The following ARL6IP5 variants were observed in gnomAD, a reference collection of about 807,000 sequenced individuals.
The protein encoded by ARL6IP5 is ARF like GTPase 6 interacting protein 5, also known as PRA1 family protein 3.
A neutral mutation model predicts 13.0 loss-of-function variants in ARL6IP5; 6 were observed. The observed-to-expected ratio is 0.46, with a 90% CI of 0.25 to 0.91. ARL6IP5 has a LOEUF of 0.91. Among genes scored for constraint, ARL6IP5 ranks in the 40% least tolerant of loss-of-function variants. The pLI, the probability that ARL6IP5 is intolerant of heterozygous loss-of-function variation, is 0.17. For synonymous variants in ARL6IP5, 91 were observed against 91.9 expected (o/e 0.99, Z 0.06); for missense variants, 208 against 248.8 (o/e 0.84, Z 1.10).
intron 1 of ARL6IP5, among the ~76,000 whole-genome samples, chr3:69,096,927 A>C (rs1019669173): frequency 6.6e-6 from 1 of 152,066 alleles, no homozygotes; most frequent in African/African-American, 2.4e-5. Context: ...TACGGCTCAG[A>C]AGAAACATTT....
At chr3:69,094,404 G>A (rs1312722378) in intron 1 of ARL6IP5, among the ~76,000 whole-genome samples, 1 of 152,206 alleles carries the variant, frequency 6.6e-6, no homozygotes, top group African/African-American at 2.4e-5. Context: ...GCGAAGCCTT[G>A]TAGAATGTTT....
chr3:69,085,096 G>C lies in ARL6IP5; in HGVS notation c.49G>C (p.Gly17Arg). The change falls in exon 1 of 3, where the codon GGT becomes CGT. Residue 17 changes from glycine (G) to arginine (R), a missense_variant. Transcript: ENST00000273258. ...PLRAWDDFFPGSDRFARPDFR... is the reference protein window; with the variant it reads ...PLRAWDDFFPRSDRFARPDFR... ...CCGCGCCTGGGACGATTTCTTCCCGGGTTCCGATCGCTTTGCCCGGCCGGA... is the reference window on the plus strand; with the variant it reads ...CCGCGCCTGGGACGATTTCTTCCCGCGTTCCGATCGCTTTGCCCGGCCGGA... 1 of 1,614,164 alleles carries C rather than the reference G, an allele frequency of 6.2e-7. No homozygotes were observed. Among genetic ancestry groups the C allele is most frequent in the Non-Finnish European group, 8.5e-7 (1 of 1,180,032 alleles).
chr3:69,094,283 T>C (rs1052048831), intron 1 of ARL6IP5, among the ~76,000 whole-genome samples: 1 of 152,136 alleles, frequency 6.6e-6, no homozygotes, highest in African/African-American at 2.4e-5. Flanking sequence ...GGCCTTGGCT[T>C]GTGGAGTGTG....
intron 1 of ARL6IP5, among the ~76,000 whole-genome samples, chr3:69,092,436 G>T (rs1034876994): frequency 6.6e-6 from 1 of 152,144 alleles, no homozygotes; most frequent in African/African-American, 2.4e-5. Flanking sequence ...CCACAGCTCT[G>T]TAAGAATTTG....
chr3:69,087,383 A>G (rs2092251780), intron 1 of ARL6IP5, among the ~76,000 whole-genome samples: 1 of 152,208 alleles, frequency 6.6e-6, no homozygotes, highest in African/African-American at 2.4e-5. Context: ...TCTCTTTGCA[A>G]AGAAGCAGGA....
intron 2 of ARL6IP5, among the ~76,000 whole-genome samples, chr3:69,103,122 T>C (rs965975503): frequency 3.3e-5 from 5 of 152,242 alleles, no homozygotes; most frequent in Non-Finnish European, 5.9e-5. Context: ...CCATACCCTA[T>C]TGGATAAAAT....
rs116660306 is a variant in ARL6IP5 at position 69,102,097 on chromosome 3, G to A, written c.394+41G>A. ...TTTTTTCTTCCATCATCAAAAAAAT[G>A]TAGAAGCAATTATCCAACGGGAATT... On this transcript the variant is annotated intron_variant, in intron 2 of 2. Coordinates refer to ENST00000273258, the MANE Select transcript of ARL6IP5 (RefSeq NM_006407.4). 195 of 1,583,992 alleles carry A rather than the reference G, an allele frequency of 1.2e-4. 2 individuals carry two copies. In the African/African-American group the frequency reaches 2.2e-3, roughly 18 times the overall value.
chr3:69,085,008 G>T lies in ARL6IP5; in HGVS notation c.-40G>T, dbSNP rs751081080. 3.4e-5 allele frequency: 54 copies of T among 1,597,458 alleles called. No individual in the cohort carries two copies. Among genetic ancestry groups the T allele is most frequent in the Non-Finnish European group, 3.4e-6 (4 of 1,171,762 alleles). ...CAGCTGATCGGTTGCCGCCGCCGCC[G>T]CCGCCAGATTCTGGAGGCGAAGAAC... is the stretch of plus-strand genomic sequence containing the variant. On this transcript the variant is annotated 5_prime_UTR_variant, in exon 1 of 3. Transcript: ENST00000273258.
chr3:69,089,896 T>C (rs2092259691), intron 1 of ARL6IP5: 1 of 455,728 alleles, frequency 2.2e-6, no homozygotes, highest in Non-Finnish European at 4.4e-6. Context: ...TCATTTGGCC[T>C]ATGGAGATGT....
At chr3:69,094,190 A>C (rs564370209) in intron 1 of ARL6IP5, among the ~76,000 whole-genome samples, 1 of 152,316 alleles carries the variant, frequency 6.6e-6, no homozygotes, top group South Asian at 2.1e-4. Context: ...CAGGTAGGCC[A>C]GCTGCTAGCC....
intron 2 of ARL6IP5, among the ~76,000 whole-genome samples, chr3:69,103,863 A>G (rs1262330871): frequency 6.6e-6 from 1 of 152,162 alleles, no homozygotes; most frequent in Non-Finnish European, 1.5e-5. Flanking sequence ...GCTCAGGTGG[A>G]GGAGGTCCAG....
intron 2 of ARL6IP5, among the ~76,000 whole-genome samples, chr3:69,103,720 C>T (rs1385219988): frequency 1.3e-5 from 2 of 152,060 alleles, no homozygotes; most frequent in Non-Finnish European, 2.9e-5. Flanking sequence ...GTGATGGAGA[C>T]CAGGAATTTG....
intron 1 of ARL6IP5, chr3:69,089,952 C>A: frequency 2.3e-6 from 1 of 437,520 alleles, no homozygotes; most frequent in South Asian, 1.6e-5. Flanking sequence ...CTTTCAGTTA[C>A]TCAAGATGGT....
intron 2 of ARL6IP5, 130 bp downstream of exon 2, chr3:69,102,186 T>C: frequency 1.1e-6 from 1 of 945,770 alleles, no homozygotes; most frequent in Non-Finnish European, 1.6e-6. Flanking sequence ...CTAAAACAGC[T>C]TTCTACTTGT....
intron 1 of ARL6IP5, among the ~76,000 whole-genome samples, chr3:69,096,447 A>C (rs1479320750): frequency 6.6e-6 from 1 of 152,128 alleles, no homozygotes; most frequent in African/African-American, 2.4e-5. Flanking sequence ...TATTATTTTA[A>C]TAAGTATTCC....
rs866299751 is a variant in ARL6IP5, at chr3:69,100,738, G to C, written c.177-1101G>C. On this transcript the variant is annotated intron_variant, in intron 1 of 2. Coordinates refer to ENST00000273258, the MANE Select transcript of ARL6IP5 (RefSeq NM_006407.4). ...AGAGGTTGCAGTGAGCCAAGATTGCGCCACTGCACTCCAGCCTGGGTGACA... is the reference window on the plus strand; with the variant it reads ...AGAGGTTGCAGTGAGCCAAGATTGCCCCACTGCACTCCAGCCTGGGTGACA... 2.0e-5 allele frequency among the ~76,000 whole-genome samples: 3 copies of C among 150,582 alleles called. No individual in the cohort carries two copies. The East Asian group carries it at 5.8e-4, about 29-fold the overall frequency.
In ARL6IP5 at chr3:69,105,600, A is replaced by G. The variant is rs1305010706; in HGVS notation, c.*964A>G. The G allele has an allele frequency of 1.3e-5, 2 of 152,242 alleles. No homozygotes were observed. Among genetic ancestry groups the G allele is most frequent in the Non-Finnish European group, 2.9e-5 (2 of 68,034 alleles). The allele number at this position is 152,242 out of a possible 1,614,324, so 9.4% of individuals were successfully genotyped here. A position where few individuals can be genotyped will look rare whatever the true frequency, so the allele number is the denominator to read the frequency against. Reference sequence around the variant, plus strand: ...AAAAACGTCTTTAGATGACCAAGCAAAAAGACTTTAAAAAATGGTAATGAA... The same window carrying G: ...AAAAACGTCTTTAGATGACCAAGCAGAAAGACTTTAAAAAATGGTAATGAA... On this transcript the variant is annotated 3_prime_UTR_variant, in exon 3 of 3. Coordinates refer to ENST00000273258, the MANE Select transcript of ARL6IP5 (RefSeq NM_006407.4).
At chr3:69,095,888 G>T (rs1441820922) in intron 1 of ARL6IP5, among the ~76,000 whole-genome samples, 1 of 152,212 alleles carries the variant, frequency 6.6e-6, no homozygotes, top group African/African-American at 2.4e-5. Context: ...CATGTTTATG[G>T]AAAGTTTTGT....
chr3:69,103,116 A>G (rs900122337), intron 2 of ARL6IP5, among the ~76,000 whole-genome samples: 3 of 152,232 alleles, frequency 2.0e-5, no homozygotes, highest in Admixed American at 6.5e-5. Context: ...TACATCCCAT[A>G]CCCTATTGGA....
Sources: gnomAD v4.1 joint callset for allele counts (sites outside exome capture counted in the v4.1 genomes callset) on GRCh38, gnomAD v4.1.1 for gene constraint, MANE v1.5 for transcripts, NCBI Gene and HGNC (gene_info 2026-07-23, HGNC 2026-07-21) for gene names.